The following CCDC178 variants were observed in gnomAD, a reference collection of about 807,000 sequenced individuals.
CCDC178 encodes the protein coiled-coil domain-containing protein 178.
Under a neutral mutation model 117.4 loss-of-function variants are expected in CCDC178, and 126 were observed. The ratio of observed to expected loss-of-function variants is 1.07; its 90% CI spans 0.93 to 1.24. CCDC178 has a LOEUF of 1.24. CCDC178 is among the 50% of genes most tolerant of loss of function. The pLI is 0.00. For missense variants in CCDC178, 1,030 were observed against 986.9 expected (o/e 1.04, Z -0.59); for synonymous variants, 283 against 313.4 (o/e 0.90, Z 1.02).
chr18:33,156,061 T>G (rs1201073826), intron 20 of CCDC178, among the ~76,000 whole-genome samples: 1 of 149,990 alleles, frequency 6.7e-6, no homozygotes, highest in Non-Finnish European at 1.5e-5. Flanking sequence ...TGTTGACAGA[T>G]GTCTGGCCAG....
chr18:33,131,472 ATATTTTGT>A (rs980590208), intron 20 of CCDC178, among the ~76,000 whole-genome samples: 1 of 151,802 alleles, frequency 6.6e-6, no homozygotes, highest in Non-Finnish European at 1.5e-5. Context: ...TACAGTGGTA[ATATTTTGT>A]TATGGAAAAA....
At position 33,397,145 on chromosome 18, in the gene CCDC178, A is replaced by C. The variant is rs1479396272; in HGVS notation, c.118+4T>G. 1.3e-6 allele frequency: 2 copies of C among 1,575,852 alleles called. No homozygotes were observed. On this transcript the variant is annotated splice_donor_region_variant and intron_variant, in intron 4 of 22. Coordinates refer to ENST00000383096, the MANE Select transcript of CCDC178 (RefSeq NM_001105528.4). Reference sequence around the variant, plus strand: ...GAAAATTATATATAATAGCTGTTGGATACCTTCATTTGTCCTTGACCATGC... The same window carrying C: ...GAAAATTATATATAATAGCTGTTGGCTACCTTCATTTGTCCTTGACCATGC...
intron 20 of CCDC178, among the ~76,000 whole-genome samples, chr18:33,109,101 A>G (rs912799213): frequency 6.6e-6 from 1 of 151,694 alleles, no homozygotes; most frequent in African/African-American, 2.4e-5. Context: ...CAGTGACCAT[A>G]AGTAAGATTC....
At chr18:33,090,271 G>C (rs1187795932) in intron 21 of CCDC178, among the ~76,000 whole-genome samples, 2 of 152,122 alleles carry the variant, frequency 1.3e-5, no homozygotes, top group Non-Finnish European at 2.9e-5. Flanking sequence ...TGTATAGAGA[G>C]AATAATAGTC....
chr18:33,054,407 C>T (rs936854589), intron 21 of CCDC178, among the ~76,000 whole-genome samples: 1 of 152,180 alleles, frequency 6.6e-6, no homozygotes, highest in Non-Finnish European at 1.5e-5. Context: ...AGTTATTCTT[C>T]TTGATGCTCT....
At chr18:33,233,259 G>C (rs1189510728) in intron 15 of CCDC178, among the ~76,000 whole-genome samples, 1 of 152,024 alleles carries the variant, frequency 6.6e-6, no homozygotes, top group Non-Finnish European at 1.5e-5. Flanking sequence ...TACATCTATT[G>C]ATGAATTGCT....
intron 21 of CCDC178, among the ~76,000 whole-genome samples, chr18:33,052,374 C>T (rs1007965913): frequency 1.3e-5 from 2 of 152,108 alleles, no homozygotes; most frequent in African/African-American, 4.8e-5. Flanking sequence ...AAATTCAGAA[C>T]TCTAGTACAT....
chr18:33,101,188 T>C (rs1490731041), intron 20 of CCDC178, among the ~76,000 whole-genome samples: 1 of 151,622 alleles, frequency 6.6e-6, no homozygotes. Context: ...ATATTTGATG[T>C]TATGCCCTTG....
At chr18:33,110,179 G>C (rs1451185547) in intron 20 of CCDC178, among the ~76,000 whole-genome samples, 2 of 151,382 alleles carry the variant, frequency 1.3e-5, no homozygotes, top group African/African-American at 4.8e-5. Flanking sequence ...TATGCTTATC[G>C]GACATTTGTA....
At chr18:33,423,913 T>C (rs543106622) in intron 2 of CCDC178, among the ~76,000 whole-genome samples, 1 of 152,328 alleles carries the variant, frequency 6.6e-6, no homozygotes, top group African/African-American at 2.4e-5. Context: ...AACCTAATAC[T>C]TATCTGTATT....
At chr18:33,433,005 G>A (rs1037382818) in intron 2 of CCDC178, among the ~76,000 whole-genome samples, 1 of 152,100 alleles carries the variant, frequency 6.6e-6, no homozygotes, top group African/African-American at 2.4e-5. Flanking sequence ...CTCAGTGTTT[G>A]TTAACATTAG....
chr18:33,024,491 T>C (rs983695251), intron 21 of CCDC178, among the ~76,000 whole-genome samples: 1 of 152,184 alleles, frequency 6.6e-6, no homozygotes, highest in African/African-American at 2.4e-5. Context: ...TTATCTCATT[T>C]AACCTTAACT....
intron 16 of CCDC178, among the ~76,000 whole-genome samples, chr18:33,225,266 G>A (rs1410742749): frequency 2.0e-5 from 3 of 151,828 alleles, no homozygotes; most frequent in Non-Finnish European, 2.9e-5. Flanking sequence ...GGGTATAAGC[G>A]ATTCTTCTGC....
At chr18:32,952,569 T>C (rs531540603) in intron 22 of CCDC178, among the ~76,000 whole-genome samples, 2 of 152,146 alleles carry the variant, frequency 1.3e-5, no homozygotes, top group Non-Finnish European at 2.9e-5. Flanking sequence ...ATTAATCATT[T>C]TTCCCTCCTA....
At chr18:33,307,666 C>T (rs1206256480) in intron 11 of CCDC178, among the ~76,000 whole-genome samples, 2 of 152,198 alleles carry the variant, frequency 1.3e-5, no homozygotes. Flanking sequence ...CATTACAGGT[C>T]TGGAGGCCTA....
At chr18:33,340,223 C>A (rs558904616) in intron 9 of CCDC178, among the ~76,000 whole-genome samples, 1 of 152,060 alleles carries the variant, frequency 6.6e-6, no homozygotes, top group African/African-American at 2.4e-5. Flanking sequence ...TGGCATTTTG[C>A]CCCTGCCCCA....
chr18:33,167,481 T>TGTG (rs2058547012), intron 20 of CCDC178, among the ~76,000 whole-genome samples: 1 of 152,200 alleles, frequency 6.6e-6, no homozygotes, highest in Admixed American at 6.5e-5. Flanking sequence ...AGTATTTCAT[T>TGTG]GTGGTTTTGA....
At chr18:33,421,034 G>A (rs535473696) in intron 2 of CCDC178, among the ~76,000 whole-genome samples, 1 of 152,120 alleles carries the variant, frequency 6.6e-6, no homozygotes, top group African/African-American at 2.4e-5. Context: ...AAGTGGGAGG[G>A]AGTCTATTTT....
chr18:33,277,570 G>T (rs563421576), intron 12 of CCDC178, among the ~76,000 whole-genome samples: 1 of 152,074 alleles, frequency 6.6e-6, no homozygotes, highest in South Asian at 2.1e-4. Context: ...GTTTCAGTTG[G>T]CCTGGGCTCT....
Sources: gnomAD v4.1 joint callset for allele counts (sites outside exome capture counted in the v4.1 genomes callset) on GRCh38, gnomAD v4.1.1 for gene constraint, MANE v1.5 for transcripts, NCBI Gene and HGNC (gene_info 2026-07-23, HGNC 2026-07-21) for gene names.